The following PRH1 variants were observed in gnomAD, a reference collection of about 807,000 sequenced individuals.
PRH1 encodes proline rich protein HaeIII subfamily 1.
Under a neutral mutation model 7.9 loss-of-function variants are expected in PRH1, and 7 were observed. That is an observed-to-expected ratio of 0.89 (90% CI 0.50 to 1.67). The LOEUF is 1.67. Among genes scored for constraint, PRH1 ranks in the 40% most tolerant of loss-of-function variants. PRH1 has a pLI of 0.00. For synonymous variants in PRH1, 45 were observed against 80.8 expected (o/e 0.56, Z 2.38); for missense variants, 109 against 223.6 (o/e 0.49, Z 3.27).
chr12:11,129,977 C>A (rs1437730456), intron 1 of PRH1, among the ~76,000 whole-genome samples: 6 of 152,084 alleles, frequency 3.9e-5, no homozygotes, highest in Admixed American at 3.9e-4. Flanking sequence ...ACGGTGACAT[C>A]CCAGCCCTAC....
intron 1 of PRH1, among the ~76,000 whole-genome samples, chr12:11,020,528 G>T (rs1418833151): frequency 6.6e-6 from 1 of 151,880 alleles, no homozygotes; most frequent in African/African-American, 2.4e-5. Context: ...CTTCAACAAG[G>T]CTGTACATTT....
chr12:11,116,290 A>G (rs1195911243), downstream of PRH1, among the ~76,000 whole-genome samples: 1 of 152,084 alleles, frequency 6.6e-6, no homozygotes, highest in Non-Finnish European at 1.5e-5. Flanking sequence ...TCTCTAAAAA[A>G]ATGGAAAAAT....
intron 1 of PRH1, among the ~76,000 whole-genome samples, chr12:11,154,065 T>C (rs925588710): frequency 6.6e-5 from 10 of 152,174 alleles, no homozygotes; most frequent in Non-Finnish European, 1.2e-4. Context: ...AAAAATAGTA[T>C]ATAGTATTCA....
At chr12:10,981,365 A>ATTTTTTTTT (rs528019045) in intron 1 of PRH1, among the ~76,000 whole-genome samples, 1 of 111,592 alleles carries the variant, frequency 9.0e-6, no homozygotes, top group Non-Finnish European at 1.8e-5. Flanking sequence ...TTACTTCTGG[A>ATTTTTTTTT]TTTTTTTTTT....
At chr12:11,040,639 C>T (rs1307513647) in intron 1 of PRH1, among the ~76,000 whole-genome samples, 1 of 152,132 alleles carries the variant, frequency 6.6e-6, no homozygotes, top group African/African-American at 2.4e-5. Context: ...CAGCAAACCA[C>T]CATGGCACAT....
intron 2 of PRH1, chr12:10,932,245 C>T: frequency 2.3e-6 from 1 of 436,192 alleles, no homozygotes; most frequent in South Asian, 1.6e-5. Flanking sequence ...AAGAAGATGA[C>T]AGTGTTTCAA....
Position 11,086,773 on chromosome 12 carries a change from G to C in PRH1, n.124-39585C>G, listed in dbSNP as rs1168036130. On this transcript the variant is annotated intron_variant and non_coding_transcript_variant, in intron 1 of 4. Coordinates refer to the PRH1 transcript ENST00000541977. Reference sequence around the variant, plus strand: ...CACTAAAAATACAAAAAGTAGCCAGGTGTGGTGGCACATGCATAAAATCCC... The same window carrying C: ...CACTAAAAATACAAAAAGTAGCCAGCTGTGGTGGCACATGCATAAAATCCC... 6.7e-4 allele frequency among the ~76,000 whole-genome samples: 76 copies of C among 114,110 alleles called. 28 individuals are homozygous for C. The highest frequency in any genetic ancestry group is 1.1e-3 in the Admixed American group (12 of 11,336). The allele number at this position is 114,110 out of a possible 152,430, so 74.9% of individuals were successfully genotyped here. A position where few individuals can be genotyped will look rare whatever the true frequency, so the allele number is the denominator to read the frequency against.
chr12:10,958,066 T>C (rs1321275737), intron 2 of PRH1, among the ~76,000 whole-genome samples: 1 of 152,170 alleles, frequency 6.6e-6, no homozygotes, highest in East Asian at 1.9e-4. Flanking sequence ...ATTGGATATA[T>C]ATCCAGAGAA....
At position 10,884,170 on chromosome 12, in the gene PRH1, A is replaced by C. The variant is rs1949454383; in HGVS notation, c.48T>G (p.Ala16=). 4 of 1,614,164 alleles carry C rather than the reference A, an allele frequency of 2.5e-6. No homozygotes were observed. The East Asian group carries it at 8.9e-5, about 36-fold the overall frequency. ...LSVALLAFSS[A]QDLNEDVSQE... Reference sequence around the variant, plus strand: ...TCATCTTACCTTCATTTAAATCCTGAGCTGAGCTGAAGGCCAGCAGGGCCA... The same window carrying C: ...TCATCTTACCTTCATTTAAATCCTGCGCTGAGCTGAAGGCCAGCAGGGCCA... The change falls in exon 1 of 4, where the codon GCT becomes GCG. Residue 16 remains alanine, a synonymous_variant. Coordinates refer to ENST00000543626, the MANE Select transcript of PRH1 (RefSeq NM_001393989.1).
chr12:11,119,763 A>C (rs1162183663), downstream of PRH1, among the ~76,000 whole-genome samples: 1 of 152,240 alleles, frequency 6.6e-6, no homozygotes, highest in African/African-American at 2.4e-5. Context: ...TTTAATTTCC[A>C]AGATTCCTAG....
chr12:10,938,264 T>C lies in PRH1; in HGVS notation c.-59+35391A>G, dbSNP rs1473019600. 7 of 1,582,442 alleles carry C rather than the reference T, an allele frequency of 4.4e-6. No individual in the cohort carries two copies. The South Asian group carries it at 4.7e-5, about 11-fold the overall frequency. On this transcript the variant is annotated intron_variant, in intron 2 of 3. Transcript: ENST00000539853. ...TTTTTTCTAATATATTCAAGATGAT[T>C]CTCTAAATTCTTTGTGACCTGAGGG...
chr12:11,049,328 C>A, upstream of PRH1: 1 of 364,598 alleles, frequency 2.7e-6, no homozygotes, highest in Non-Finnish European at 4.6e-6. Flanking sequence ...AATATCCAGA[C>A]CTTAATGTCG....
At chr12:11,155,116 A>G (rs2136437994) in intron 1 of PRH1, among the ~76,000 whole-genome samples, 1 of 152,332 alleles carries the variant, frequency 6.6e-6, no homozygotes, top group South Asian at 2.1e-4. Context: ...CAGTTCTGCC[A>G]ATCCCAGGCA....
At chr12:11,019,247 A>G (rs10734843) in intron 1 of PRH1, among the ~76,000 whole-genome samples, 113,492 of 152,174 alleles carry the variant, frequency 0.75, 44,714 homozygotes, top group East Asian at 0.96. Context: ...AAAAGTATGG[A>G]GAGCCAAGTG....
chr12:10,992,633 G>C (rs10845274), intron 1 of PRH1, among the ~76,000 whole-genome samples: 46,332 of 151,950 alleles, frequency 0.3, 8,931 homozygotes, highest in East Asian at 0.74. Flanking sequence ...GGCTGATCTG[G>C]AACTCCTGGC....
chr12:11,010,245 A>G (rs1306935453), intron 1 of PRH1, among the ~76,000 whole-genome samples: 3 of 152,018 alleles, frequency 2.0e-5, no homozygotes, highest in African/African-American at 7.2e-5. Context: ...TGTCTTAGAC[A>G]TTATCAAAAT....
At chr12:11,153,976 T>G (rs898141845) in intron 1 of PRH1, among the ~76,000 whole-genome samples, 1 of 152,080 alleles carries the variant, frequency 6.6e-6, no homozygotes, top group African/African-American at 2.4e-5. Flanking sequence ...CAGAGCAAAA[T>G]AGTGGAATGT....
chr12:10,988,787 A>T (rs963357347), intron 1 of PRH1, among the ~76,000 whole-genome samples: 2 of 151,952 alleles, frequency 1.3e-5, no homozygotes, highest in Admixed American at 6.6e-5. Flanking sequence ...CAATAGCCAT[A>T]ATTTAGAATG....
chr12:10,987,235 G>A (rs955631683), intron 1 of PRH1, among the ~76,000 whole-genome samples: 7 of 151,946 alleles, frequency 4.6e-5, no homozygotes, highest in Admixed American at 2.0e-4. Context: ...TTGTTTAACC[G>A]ATACGTAATT....
Sources: allele counts gnomAD v4.1 joint callset (sites outside exome capture counted in the v4.1 genomes callset), GRCh38; gene constraint gnomAD v4.1.1; transcripts MANE v1.5; gene names NCBI Gene and HGNC (gene_info 2026-07-23, HGNC 2026-07-21).